ULK4: variants seen among roughly 807,000 people sequenced by gnomAD.
ULK4 encodes the protein inactive serine/threonine-protein kinase ULK4.
ULK4 carries 133 observed loss-of-function variants against 160.6 expected under a neutral mutation model. The ratio of observed to expected loss-of-function variants is 0.83; its 90% CI spans 0.72 to 0.96. The LOEUF is 0.96. Ranked by LOEUF, ULK4 falls within the 40% of genes least tolerant of loss-of-function variation. The pLI, the probability that ULK4 is intolerant of heterozygous loss-of-function variation, is 0.00. For synonymous variants in ULK4, 534 were observed against 539.8 expected, an observed-to-expected ratio of 0.99 and a Z score of 0.15; for missense variants, 1,580 against 1,499.5, an observed-to-expected ratio of 1.05 and a Z score of -0.89.
chr3:41,451,982 G>A (rs555178386), intron 34 of ULK4, among the ~76,000 whole-genome samples: 104 of 152,220 alleles, frequency 6.8e-4, no homozygotes, highest in African/African-American at 2.5e-3. Flanking sequence ...ATATTTAAAT[G>A]CAAAATCCTC....
intron 35 of ULK4, among the ~76,000 whole-genome samples, chr3:41,378,238 G>A (rs1273715060): frequency 8.3e-6 from 1 of 120,318 alleles, no homozygotes; most frequent in Non-Finnish European, 1.7e-5. Context: ...GTGGGGGGAG[G>A]GGGGAGGGAT....
chr3:41,378,855 C>G (rs968412321), intron 35 of ULK4, among the ~76,000 whole-genome samples: 3 of 151,542 alleles, frequency 2.0e-5, no homozygotes, highest in Non-Finnish European at 4.4e-5. Flanking sequence ...CACATTTACA[C>G]CATGGAATAC....
intron 35 of ULK4, among the ~76,000 whole-genome samples, chr3:41,307,018 G>T (rs1236389156): frequency 6.0e-5 from 9 of 150,856 alleles, no homozygotes; most frequent in Admixed American, 4.6e-4. Flanking sequence ...GCGGAAGGCC[G>T]CAGGGTCCTC....
intron 31 of ULK4, among the ~76,000 whole-genome samples, chr3:41,569,170 T>C (rs1423278513): frequency 6.6e-6 from 1 of 152,196 alleles, no homozygotes; most frequent in East Asian, 1.9e-4. Context: ...GGTTCTGTTA[T>C]AGGTCCTTTG....
At chr3:41,489,630 C>A (rs1208559793) in intron 32 of ULK4, among the ~76,000 whole-genome samples, 2 of 152,154 alleles carry the variant, frequency 1.3e-5, no homozygotes, top group South Asian at 2.1e-4. Flanking sequence ...TGTCCAGGCA[C>A]TATCTGCAAA....
intron 30 of ULK4, among the ~76,000 whole-genome samples, chr3:41,636,409 C>A (rs1370023792): frequency 6.6e-6 from 1 of 151,822 alleles, no homozygotes; most frequent in East Asian, 1.9e-4. Flanking sequence ...TGTCACACAC[C>A]TGAAGTCCCA....
At chr3:41,255,411 A>G (rs960569577) in intron 35 of ULK4, among the ~76,000 whole-genome samples, 1 of 152,196 alleles carries the variant, frequency 6.6e-6, no homozygotes, top group Non-Finnish European at 1.5e-5. Flanking sequence ...TGAACCCGGG[A>G]GGCGGAGGTT....
chr3:41,496,472 A>C (rs1361631564), intron 32 of ULK4, among the ~76,000 whole-genome samples: 1 of 152,052 alleles, frequency 6.6e-6, no homozygotes, highest in African/African-American at 2.4e-5. Context: ...AATTTTCTAG[A>C]CTAAGGTACA....
intron 31 of ULK4, among the ~76,000 whole-genome samples, chr3:41,579,690 C>T (rs2030109634): frequency 6.6e-6 from 1 of 151,892 alleles, no homozygotes; most frequent in African/African-American, 2.4e-5. Context: ...GACGGGGTTT[C>T]ACCGTGTTAG....
intron 36 of ULK4, 79 bp downstream of exon 36, chr3:41,249,399 AGGGAGATGAGT>A: frequency 1.7e-6 from 2 of 1,207,956 alleles, no homozygotes; most frequent in Non-Finnish European, 2.3e-6. Context: ...CCTGGTGTGG[AGGGAGATGAGT>A]GGGAGGAGTG....
At chr3:41,886,228 T>C (rs568647415) in intron 16 of ULK4, among the ~76,000 whole-genome samples, 1 of 152,342 alleles carries the variant, frequency 6.6e-6, no homozygotes, top group East Asian at 1.9e-4. Flanking sequence ...ATGAAGTTAA[T>C]GGCTACCACA....
intron 20 of ULK4, among the ~76,000 whole-genome samples, chr3:41,793,744 T>A (rs1023794982): frequency 6.6e-6 from 1 of 152,238 alleles, no homozygotes. Context: ...TTTCTCTGGT[T>A]CTCACTATGG....
At chr3:41,531,507 G>T (rs1451339300) in intron 32 of ULK4, among the ~76,000 whole-genome samples, 1 of 125,942 alleles carries the variant, frequency 7.9e-6, no homozygotes, top group African/African-American at 3.2e-5. Flanking sequence ...AGAAGAAAAA[G>T]AAAAGAAAAA....
At chr3:41,345,808 A>T (rs12635618) in intron 35 of ULK4, among the ~76,000 whole-genome samples, 10,504 of 152,244 alleles carry the variant, frequency 0.069, 480 homozygotes, top group East Asian at 0.19. Context: ...AAAATAAATT[A>T]AAAAATGTAC....
intron 13 of ULK4, among the ~76,000 whole-genome samples, chr3:41,899,593 TG>T (rs1698280638): frequency 6.6e-6 from 1 of 152,200 alleles, no homozygotes; most frequent in African/African-American, 2.4e-5. Flanking sequence ...CTTAAAACAT[TG>T]TAAGATTTTT....
At chr3:41,359,113 T>C (rs1012074663) in intron 35 of ULK4, among the ~76,000 whole-genome samples, 1 of 152,176 alleles carries the variant, frequency 6.6e-6, no homozygotes, top group African/African-American at 2.4e-5. Context: ...CAGGACTTGC[T>C]GATGCAAGGT....
intron 35 of ULK4, among the ~76,000 whole-genome samples, chr3:41,259,018 ATATC>A (rs1221412953): frequency 2.0e-5 from 3 of 149,336 alleles, no homozygotes; most frequent in Admixed American, 6.7e-5. Context: ...ACATATATAC[ATATC>A]TATGTGTATA....
intron 27 of ULK4, 37 bp downstream of exon 27, chr3:41,705,020 T>G (rs1223881012): frequency 3.9e-6 from 6 of 1,541,200 alleles, no homozygotes; most frequent in Admixed American, 1.9e-5. Context: ...CCAAGTAAAT[T>G]TAAAAGGAGC....
intron 29 of ULK4, among the ~76,000 whole-genome samples, chr3:41,666,144 G>A (rs2035344595): frequency 6.6e-6 from 1 of 152,152 alleles, no homozygotes; most frequent in Admixed American, 6.5e-5. Context: ...TTGGTGTCCA[G>A]GGTTTTTATT....
Sources: allele counts gnomAD v4.1 joint callset (sites outside exome capture counted in the v4.1 genomes callset), GRCh38; gene constraint gnomAD v4.1.1; transcripts MANE v1.5; gene names NCBI Gene and HGNC (gene_info 2026-07-23, HGNC 2026-07-21).